WDR25: variants seen among roughly 807,000 people sequenced by gnomAD.
WDR25 encodes the protein WD repeat-containing protein 25.
WDR25 carries 35 observed loss-of-function variants against 47.7 expected under a neutral mutation model. The observed-to-expected ratio is 0.73, with a 90% CI of 0.56 to 0.97. WDR25 has a LOEUF of 0.97. Among genes scored for constraint, WDR25 ranks in the 50% least tolerant of loss-of-function variants. The pLI is 0.00. For missense variants in WDR25, 634 were observed against 704.7 expected (o/e 0.90, Z 1.14); for synonymous variants, 248 against 278.9 (o/e 0.89, Z 1.10).
At chr14:100,453,060 G>C (rs1223094883) in intron 2 of WDR25, among the ~76,000 whole-genome samples, 1 of 152,064 alleles carries the variant, frequency 6.6e-6, no homozygotes, top group Non-Finnish European at 1.5e-5. Context: ...GAGCTGACGA[G>C]TGAGGGGGAA....
rs765463553 is a variant in WDR25, at chr14:100,404,103, A to G, written c.822+22357A>G. The stretch of plus-strand genomic sequence containing the variant: ...ACTTTTGGTAGCAATTAGAACTCCC[A>G]TTTGCTGAGATCCTACCATGTGTCC... On this transcript the variant is annotated intron_variant, in intron 2 of 6. Transcript: ENST00000402312. This position sits in a 1 kb window ranked among gnomAD's most constrained non-coding sequence, Gnocchi z 4.6. Among the ~76,000 whole-genome samples, 3 of 152,120 alleles carry G rather than the reference A, an allele frequency of 2.0e-5. No individual in the cohort carries two copies. Among genetic ancestry groups the G allele is most frequent in the Non-Finnish European group, 4.4e-5 (3 of 68,014 alleles).
At chr14:100,389,586 C>G (rs1404069604) in intron 2 of WDR25, among the ~76,000 whole-genome samples, 1 of 152,308 alleles carries the variant, frequency 6.6e-6, no homozygotes, top group East Asian at 1.9e-4. Context: ...GTGAGACCAA[C>G]TGTGTCAGCC....
chr14:100,484,315 A>G (rs1281224207), intron 4 of WDR25, among the ~76,000 whole-genome samples, 191 bp downstream of exon 4: 1 of 152,258 alleles, frequency 6.6e-6, no homozygotes, highest in Non-Finnish European at 1.5e-5. Context: ...GACTTAAAAT[A>G]TCAAAGGTGC....
At chr14:100,495,453 G>T (rs1186354927) in intron 4 of WDR25, among the ~76,000 whole-genome samples, 1 of 152,232 alleles carries the variant, frequency 6.6e-6, no homozygotes, top group East Asian at 1.9e-4. Context: ...TCTTCACTGT[G>T]AGAACCTGGT....
At chr14:100,464,648 T>C (rs554155760) in intron 2 of WDR25, among the ~76,000 whole-genome samples, 4 of 150,192 alleles carry the variant, frequency 2.7e-5, no homozygotes, top group East Asian at 4.0e-4. Flanking sequence ...CCCAGTGCAT[T>C]TCATCTCCCC....
In WDR25 at chr14:100,526,456, C is replaced by A. The variant is rs1030637199; in HGVS notation, c.1272+416C>A. On this transcript the variant is annotated intron_variant, in intron 5 of 6. Coordinates refer to ENST00000402312, the MANE Select transcript of WDR25 (RefSeq NM_001161476.3). The stretch of plus-strand genomic sequence containing the variant: ...AGGGGCCCCACAGTTAGAACACCTG[C>A]ATTAAGGTTTTGGATTCACTAGGAC... Among the ~76,000 whole-genome samples, 21 of 152,226 alleles carry A rather than the reference C, an allele frequency of 1.4e-4. 1 individual carries two copies. The highest frequency in any genetic ancestry group is 5.1e-4 in the African/African-American group (21 of 41,518).
intron 3 of WDR25, among the ~76,000 whole-genome samples, chr14:100,473,816 C>A (rs1899927392): frequency 6.6e-6 from 1 of 152,154 alleles, no homozygotes; most frequent in African/African-American, 2.4e-5. Flanking sequence ...CGTGGAGGGG[C>A]CTGGGCTTCT....
chr14:100,451,581 A>C (rs2140267046), intron 2 of WDR25, among the ~76,000 whole-genome samples: 1 of 152,246 alleles, frequency 6.6e-6, no homozygotes, highest in East Asian at 1.9e-4. Context: ...CCAGAGGCTG[A>C]GTGTGTCTTG....
chr14:100,416,593 C>T (rs1407220144), intron 2 of WDR25, among the ~76,000 whole-genome samples: 1 of 152,182 alleles, frequency 6.6e-6, no homozygotes, highest in Non-Finnish European at 1.5e-5. Context: ...TCCTTATCCC[C>T]CTGGACTTGG....
At chr14:100,378,648 G>C (rs988433896) in intron 1 of WDR25, among the ~76,000 whole-genome samples, 5 of 152,030 alleles carry the variant, frequency 3.3e-5, no homozygotes, top group Non-Finnish European at 7.4e-5. Context: ...TACAGAGATG[G>C]GATACCTGGG....
At chr14:100,491,416 A>C (rs1233229657) in intron 4 of WDR25, among the ~76,000 whole-genome samples, 1 of 152,240 alleles carries the variant, frequency 6.6e-6, no homozygotes, top group Non-Finnish European at 1.5e-5. Context: ...GGTCAATGTC[A>C]GACCATATAT....
chr14:100,524,591 T>C (rs1040880721), intron 4 of WDR25, among the ~76,000 whole-genome samples: 2 of 152,160 alleles, frequency 1.3e-5, no homozygotes, highest in Non-Finnish European at 2.9e-5. Context: ...GGGCCCACTC[T>C]GAAATCTCCC....
At chr14:100,460,634 A>T (rs1490897999) in intron 2 of WDR25, among the ~76,000 whole-genome samples, 1 of 152,160 alleles carries the variant, frequency 6.6e-6, no homozygotes, top group Non-Finnish European at 1.5e-5. Flanking sequence ...ACAATATCCA[A>T]CATTCATTAG....
rs531905063 is a variant in WDR25 at position 100,440,090 on chromosome 14, ACT to A, written c.823-27926_823-27925del. 4.0e-4 allele frequency among the ~76,000 whole-genome samples: 61 copies of A among 152,234 alleles called. 1 individual carries two copies. The highest frequency in any genetic ancestry group is 1.4e-3 in the African/African-American group (59 of 41,532). The stretch of plus-strand genomic sequence containing the variant: ...AAAGCAGCATAGTCATTTTCGAGTC[ACT>A]CTCTGATAAAGATAGAACACTTCAT... On this transcript the variant is annotated intron_variant, in intron 2 of 6. Transcript: ENST00000402312. The surrounding 1 kb of genome is among the most constrained non-coding windows in gnomAD (Gnocchi z 4.4).
At chr14:100,513,959 A>G (rs566665913) in intron 4 of WDR25, among the ~76,000 whole-genome samples, 2 of 149,288 alleles carry the variant, frequency 1.3e-5, no homozygotes, top group East Asian at 3.9e-4. Context: ...TTTTTGAGAC[A>G]GAGTCTCGCT....
At chr14:100,413,741 C>T (rs1031827473) in intron 2 of WDR25, among the ~76,000 whole-genome samples, 1 of 152,092 alleles carries the variant, frequency 6.6e-6, no homozygotes, top group Non-Finnish European at 1.5e-5. Context: ...GCAAAAACCG[C>T]AATTACTTTT....
intron 2 of WDR25, among the ~76,000 whole-genome samples, chr14:100,444,399 G>A (rs141242456): frequency 6.6e-6 from 1 of 152,332 alleles, no homozygotes; most frequent in African/African-American, 2.4e-5. Flanking sequence ...ACCGCAGGAT[G>A]GACATCTCTA....
chr14:100,503,212 G>C (rs1900996687), intron 4 of WDR25, among the ~76,000 whole-genome samples: 2 of 152,056 alleles, frequency 1.3e-5, no homozygotes. Context: ...TAGAGATAAG[G>C]GAGACCTCCC....
At chr14:100,512,343 G>A (rs567452477) in intron 4 of WDR25, among the ~76,000 whole-genome samples, 1 of 152,122 alleles carries the variant, frequency 6.6e-6, no homozygotes, top group Non-Finnish European at 1.5e-5. Context: ...TGCCTTTCAA[G>A]AAATTTGTCC....
Sources: allele counts gnomAD v4.1 joint callset (sites outside exome capture counted in the v4.1 genomes callset), GRCh38; gene constraint gnomAD v4.1.1; non-coding constraint Gnocchi (gnomAD v3.1); transcripts MANE v1.5; gene names NCBI Gene and HGNC (gene_info 2026-07-23, HGNC 2026-07-21).